GSK3B: variants seen among roughly 807,000 people sequenced by gnomAD.
The protein encoded by GSK3B is glycogen synthase kinase-3 beta.
GSK3B carries 15 observed loss-of-function variants against 56.4 expected under a neutral mutation model. The observed-to-expected ratio is 0.27, with a 90% confidence interval of 0.18 to 0.41. GSK3B has a LOEUF of 0.41. GSK3B is among the 10% of genes least tolerant of loss of function. The probability of loss-of-function intolerance (pLI) is 1.00; values close to 1 mark genes in which losing one functional copy is unlikely to be tolerated. For synonymous variants in GSK3B, 181 were observed against 188.9 expected (o/e 0.96, Z 0.34); for missense variants, 300 against 513.4 (o/e 0.58, Z 4.02).
At chr3:120,005,708 T>C (rs967003532) in intron 1 of GSK3B, among the ~76,000 whole-genome samples, 5 of 152,140 alleles carry the variant, frequency 3.3e-5, no homozygotes, top group African/African-American at 4.8e-5. Flanking sequence ...ATAAAATCCT[T>C]TACGGACAAG....
Position 120,025,878 on chromosome 3 carries a change from G to A in GSK3B, c.89-23639C>T, listed in dbSNP as rs78789707. 3.9e-5 allele frequency among the ~76,000 whole-genome samples: 6 copies of A among 152,274 alleles called. No homozygotes were observed. In the East Asian group the frequency reaches 1.2e-3, roughly 29 times the overall value. ...ACCACTGTTTGGCTTATGACCTTGA[G>A]GAAGTCAAGCAATGTCCTTTTTAGG... On this transcript the variant is annotated intron_variant, in intron 1 of 10. Transcript: ENST00000264235.
In GSK3B at chr3:120,005,115, A is replaced by T. The variant is rs574228531; in HGVS notation, c.89-2876T>A. Among the ~76,000 whole-genome samples the T allele has an allele frequency of 3.3e-5, 5 of 152,224 alleles. No individual in the cohort carries two copies. In the South Asian group the frequency reaches 1.0e-3, roughly 32 times the overall value. On this transcript the variant is annotated intron_variant, in intron 1 of 10. Transcript: ENST00000264235. ...ATGAAGCTGAAAACCAGAGTATGAG[A>T]ACATGGTGAAGCATACACAAGCTTC...
At chr3:119,830,350 G>A (rs2055579907) in intron 10 of GSK3B, among the ~76,000 whole-genome samples, 1 of 152,148 alleles carries the variant, frequency 6.6e-6, no homozygotes, top group African/African-American at 2.4e-5. Flanking sequence ...CCATCACTCT[G>A]TAAATTTATT....
intron 2 of GSK3B, among the ~76,000 whole-genome samples, chr3:119,970,744 G>A (rs1446788118): frequency 5.9e-5 from 9 of 151,596 alleles, no homozygotes; most frequent in Non-Finnish European, 1.0e-4. Flanking sequence ...CTGAGATCGC[G>A]CCACTGCACT....
chr3:119,947,418 G>A, intron 2 of GSK3B, 67 bp from the exon 3 acceptor site: 1 of 983,126 alleles, frequency 1.0e-6, no homozygotes, highest in Non-Finnish European at 1.6e-6. Context: ...TGAACAAGAT[G>A]CTTCTGAAAT....
chr3:119,874,235 G>C (rs181991437), intron 8 of GSK3B, among the ~76,000 whole-genome samples: 1 of 151,994 alleles, frequency 6.6e-6, no homozygotes, highest in Non-Finnish European at 1.5e-5. Context: ...ATCTACAGGG[G>C]ATATGTCCCC....
At chr3:119,995,196 T>A (rs966181207) in intron 2 of GSK3B, among the ~76,000 whole-genome samples, 1 of 148,222 alleles carries the variant, frequency 6.7e-6, no homozygotes, top group Admixed American at 6.7e-5. Flanking sequence ...ACTAGCCAGG[T>A]GTGGTGGCGC....
intron 1 of GSK3B, among the ~76,000 whole-genome samples, chr3:120,079,369 A>G (rs1307862557): frequency 6.6e-6 from 1 of 151,092 alleles, no homozygotes; most frequent in Admixed American, 6.6e-5. Flanking sequence ...TTTAATAAGT[A>G]GACTACTGCC....
rs184076540 is a variant in GSK3B at position 119,905,870 on chromosome 3, C to A, written c.716-18G>T. The A allele has an allele frequency of 7.1e-7, 1 of 1,413,272 alleles. No homozygotes were observed. Among genetic ancestry groups the A allele is most frequent in the Admixed American group, 1.7e-5 (1 of 59,620 alleles). The allele number at this position is 1,413,272 out of a possible 1,614,324, so 87.5% of individuals were successfully genotyped here. A position where few individuals can be genotyped will look rare whatever the true frequency, so the allele number is the denominator to read the frequency against. ...CCATACATCTAAAGAGAAAAGAAAACGAAGCCTTATTAATACTTCATAGCT... is the reference window on the plus strand; with the variant it reads ...CCATACATCTAAAGAGAAAAGAAAAAGAAGCCTTATTAATACTTCATAGCT... On this transcript the variant is annotated intron_variant, in intron 6 of 10. Transcript: ENST00000264235.
chr3:119,854,144 G>T (rs2108022939), intron 9 of GSK3B, among the ~76,000 whole-genome samples: 1 of 152,264 alleles, frequency 6.6e-6, no homozygotes, highest in Middle Eastern at 3.4e-3. Context: ...GTTGAATTTT[G>T]TCAAAGGCTT....
chr3:119,922,072 G>A (rs1441479822), intron 4 of GSK3B, among the ~76,000 whole-genome samples: 1 of 152,020 alleles, frequency 6.6e-6, no homozygotes, highest in Non-Finnish European at 1.5e-5. Context: ...AGAGGGTGGA[G>A]GTTGCAGTGA....
intron 2 of GSK3B, among the ~76,000 whole-genome samples, chr3:119,966,881 A>C (rs2057322917): frequency 6.6e-6 from 1 of 152,204 alleles, no homozygotes; most frequent in South Asian, 2.1e-4. Flanking sequence ...AAAAATCCAA[A>C]TATAATAACA....
chr3:120,093,509 G>C lies in GSK3B; in HGVS notation c.-75C>G. On this transcript the variant is annotated 5_prime_UTR_variant, in exon 1 of 11. Coordinates refer to ENST00000264235, the MANE Select transcript of GSK3B (RefSeq NM_001146156.2). Reference sequence around the variant, plus strand: ...TTTTGTCTTTATGTTGGGGTGTTAGGTTAACGATAAATGCAGCATTAAGTT... The same window carrying C: ...TTTTGTCTTTATGTTGGGGTGTTAGCTTAACGATAAATGCAGCATTAAGTT... 2.1e-6 allele frequency: 2 copies of C among 957,222 alleles called. No individual in the cohort carries two copies. Among genetic ancestry groups the C allele is most frequent in the Non-Finnish European group, 3.4e-6 (2 of 592,310 alleles). 59.3% of individuals were successfully genotyped at this position (957,222 alleles called of 1,614,324 possible). A position where few individuals can be genotyped will look rare whatever the true frequency, so the allele number is the denominator to read the frequency against.
chr3:119,911,477 G>A (rs565706356), intron 6 of GSK3B, among the ~76,000 whole-genome samples: 5 of 152,232 alleles, frequency 3.3e-5, no homozygotes, highest in African/African-American at 1.2e-4. Flanking sequence ...CCTCACAAGA[G>A]AGTCAACCTG....
intron 1 of GSK3B, among the ~76,000 whole-genome samples, chr3:120,056,811 C>T (rs186367154): frequency 2.0e-5 from 3 of 152,238 alleles, no homozygotes; most frequent in East Asian, 1.9e-4. Context: ...AATGGGAAAA[C>T]AGCATAATAC....
At chr3:119,858,865 AG>A (rs1420615284) in intron 9 of GSK3B, among the ~76,000 whole-genome samples, 2 of 152,178 alleles carry the variant, frequency 1.3e-5, no homozygotes, top group African/African-American at 4.8e-5. Flanking sequence ...CTCAGGGAAT[AG>A]GAAGATCCAA....
chr3:119,926,755 T>C (rs934644934), intron 3 of GSK3B, among the ~76,000 whole-genome samples: 3 of 152,340 alleles, frequency 2.0e-5, no homozygotes, highest in Non-Finnish European at 4.4e-5. Flanking sequence ...AGGGATTCTG[T>C]ACTTCAGGGC....
chr3:119,823,369 C>T lies in GSK3B; in HGVS notation c.*3419G>A, dbSNP rs1477695759. 4 of 202,314 alleles carry T rather than the reference C, an allele frequency of 2.0e-5. No individual in the cohort carries two copies. The highest frequency in any genetic ancestry group is 3.8e-4 in the South Asian group (2 of 5,246). The allele number at this position is 202,314 out of a possible 1,614,324, so 12.5% of individuals were successfully genotyped here. On this transcript the variant is annotated 3_prime_UTR_variant, in exon 11 of 11. Transcript: ENST00000264235. ...TTAAAACAACAGTCCTCTATTGGCA[C>T]GGTGGCACTCCGTGCAGTAACTGCT...
At chr3:119,869,243 A>AAAAC (rs2056223842) in intron 8 of GSK3B, among the ~76,000 whole-genome samples, 1 of 151,076 alleles carries the variant, frequency 6.6e-6, no homozygotes, top group African/African-American at 2.4e-5. Flanking sequence ...AAAAAAAAAA[A>AAAAC]AAACATATAT....
Sources: gnomAD v4.1 joint callset for allele counts (sites outside exome capture counted in the v4.1 genomes callset) on GRCh38, gnomAD v4.1.1 for gene constraint, MANE v1.5 for transcripts, NCBI Gene and HGNC (gene_info 2026-07-23, HGNC 2026-07-21) for gene names.